The following GNA14 variants were observed in gnomAD, a reference collection of about 807,000 sequenced individuals.
GNA14 encodes the protein guanine nucleotide-binding protein subunit alpha-14.
Under a neutral mutation model 42.0 loss-of-function variants are expected in GNA14, and 50 were observed. The observed-to-expected ratio is 1.19, with a 90% confidence interval of 0.95 to 1.51. The LOEUF (loss-of-function observed/expected upper bound fraction) is 1.51. Among genes scored for constraint, GNA14 ranks in the 40% most tolerant of loss-of-function variants. GNA14 has a pLI of 0.00. For missense variants in GNA14, 473 were observed against 446.2 expected (o/e 1.06, Z -0.54); for synonymous variants, 173 against 163.1 (o/e 1.06, Z -0.46).
chr9:77,475,826 A>T (rs1382927493), intron 2 of GNA14, among the ~76,000 whole-genome samples: 8 of 152,308 alleles, frequency 5.3e-5, no homozygotes, highest in African/African-American at 1.9e-4. Flanking sequence ...AAGGAGACCT[A>T]CGTGGGCTCT....
At chr9:77,445,063 A>T (rs1821549353) in intron 2 of GNA14, among the ~76,000 whole-genome samples, 1 of 152,198 alleles carries the variant, frequency 6.6e-6, no homozygotes, top group African/African-American at 2.4e-5. Flanking sequence ...AAACATTTCA[A>T]CTGGGGAGGA....
intron 1 of GNA14, among the ~76,000 whole-genome samples, chr9:77,602,707 G>T (rs911857305): frequency 6.8e-6 from 1 of 147,812 alleles, no homozygotes; most frequent in Admixed American, 6.7e-5. Flanking sequence ...TAATGGTTTT[G>T]TTTTTTTTTT....
chr9:77,621,271 G>T (rs1339124496), intron 1 of GNA14, among the ~76,000 whole-genome samples: 1 of 152,146 alleles, frequency 6.6e-6, no homozygotes, highest in Non-Finnish European at 1.5e-5. Flanking sequence ...TGCTCAAAAT[G>T]AACACTTTAA....
intron 2 of GNA14, among the ~76,000 whole-genome samples, chr9:77,435,119 G>A (rs1050339336): frequency 6.6e-6 from 1 of 151,012 alleles, no homozygotes; most frequent in African/African-American, 2.4e-5. Context: ...AGCACTTTGG[G>A]AGGCCGAGGC....
chr9:77,549,224 G>A (rs568264547), intron 1 of GNA14, among the ~76,000 whole-genome samples: 21 of 152,102 alleles, frequency 1.4e-4, no homozygotes, highest in South Asian at 4.1e-4. Flanking sequence ...GTGAGCCACC[G>A]TGCCCAGCCA....
intron 1 of GNA14, chr9:77,580,458 G>A: frequency 3.0e-6 from 1 of 335,560 alleles, no homozygotes; most frequent in Non-Finnish European, 6.2e-6. Flanking sequence ...CACAGGCACA[G>A]GACAATTAGC....
chr9:77,511,358 G>A (rs1485463178), intron 2 of GNA14, among the ~76,000 whole-genome samples: 3 of 152,132 alleles, frequency 2.0e-5, no homozygotes, highest in African/African-American at 7.2e-5. Context: ...AACCTGCATA[G>A]AAAACAGAGG....
chr9:77,625,246 T>C (rs1177401506), intron 1 of GNA14, among the ~76,000 whole-genome samples: 3 of 151,936 alleles, frequency 2.0e-5, no homozygotes, highest in Non-Finnish European at 4.4e-5. Context: ...TATGAGACTA[T>C]GTGAAAAGAC....
intron 1 of GNA14, among the ~76,000 whole-genome samples, chr9:77,626,166 G>A (rs1467792879): frequency 6.6e-6 from 1 of 152,004 alleles, no homozygotes; most frequent in Non-Finnish European, 1.5e-5. Context: ...AATGGTAAAG[G>A]GATCAATGCA....
intron 2 of GNA14, among the ~76,000 whole-genome samples, chr9:77,490,908 C>T (rs2131736096): frequency 6.6e-6 from 1 of 152,354 alleles, no homozygotes; most frequent in African/African-American, 2.4e-5. Flanking sequence ...CGAGAGCGAG[C>T]AAGGGCTGTG....
intron 2 of GNA14, among the ~76,000 whole-genome samples, chr9:77,468,762 C>T (rs531527207): frequency 9.7e-4 from 148 of 152,300 alleles, no homozygotes; most frequent in African/African-American, 3.3e-3. Flanking sequence ...AAAATGGGAA[C>T]ATCTTTGTTA....
chr9:77,509,347 C>T (rs1433598100), intron 2 of GNA14, among the ~76,000 whole-genome samples: 1 of 152,194 alleles, frequency 6.6e-6, no homozygotes. Flanking sequence ...ACCCATTCAT[C>T]CACTGACGGG....
chr9:77,462,928 G>A (rs567223090), intron 2 of GNA14, among the ~76,000 whole-genome samples: 1 of 152,232 alleles, frequency 6.6e-6, no homozygotes, highest in African/African-American at 2.4e-5. Context: ...AGTCTTCCCT[G>A]TGGGGCTCCG....
chr9:77,526,941 A>AAAAAC (rs1837448815), intron 2 of GNA14, among the ~76,000 whole-genome samples: 3 of 152,194 alleles, frequency 2.0e-5, no homozygotes, highest in Admixed American at 1.3e-4. Flanking sequence ...GCTCATGAGG[A>AAAAAC]AAAACAAAAC....
intron 1 of GNA14, among the ~76,000 whole-genome samples, chr9:77,616,846 T>C (rs1823827382): frequency 6.6e-6 from 1 of 152,160 alleles, no homozygotes; most frequent in Non-Finnish European, 1.5e-5. Flanking sequence ...ATAAAGATGT[T>C]AAATCCCTCT....
chr9:77,614,127 G>A (rs570540403), intron 1 of GNA14, among the ~76,000 whole-genome samples: 1 of 152,154 alleles, frequency 6.6e-6, no homozygotes, highest in African/African-American at 2.4e-5. Context: ...ACATGTTCAT[G>A]GTTGGCCAGC....
chr9:77,498,557 A>C (rs1481400935), intron 2 of GNA14, among the ~76,000 whole-genome samples: 1 of 152,158 alleles, frequency 6.6e-6, no homozygotes, highest in Non-Finnish European at 1.5e-5. Flanking sequence ...GGGTTATAGT[A>C]GGGATTGTGT....
In GNA14 at chr9:77,631,508, A is replaced by G. The variant is rs567106916; in HGVS notation, c.124+16162T>C. ...AAAAAAGTAAAAAACCATCAAGAGC[A>G]TCTATTCACATATGTGCATAAAGAA... On this transcript the variant is annotated intron_variant, in intron 1 of 6. Coordinates refer to ENST00000341700, the MANE Select transcript of GNA14 (RefSeq NM_004297.4). Among the ~76,000 whole-genome samples the G allele has an allele frequency of 7.2e-5, 10 of 139,562 alleles. No homozygotes were observed. In the South Asian group the frequency reaches 1.6e-3, roughly 23 times the overall value. 91.6% of individuals were successfully genotyped at this position (139,562 alleles called of 152,430 possible).
At chr9:77,616,506 C>T (rs1168365443) in intron 1 of GNA14, among the ~76,000 whole-genome samples, 1 of 152,128 alleles carries the variant, frequency 6.6e-6, no homozygotes, top group African/African-American at 2.4e-5. Context: ...AAGTCAGCAG[C>T]AGGAAGATGG....
Sources: allele counts gnomAD v4.1 joint callset (sites outside exome capture counted in the v4.1 genomes callset), GRCh38; gene constraint gnomAD v4.1.1; transcripts MANE v1.5; gene names NCBI Gene and HGNC (gene_info 2026-07-23, HGNC 2026-07-21).